OGDH: variants seen among roughly 807,000 people sequenced by gnomAD.
The protein encoded by OGDH is oxoglutarate dehydrogenase, also known as 2-oxoglutarate dehydrogenase complex component E1.
OGDH carries 38 observed loss-of-function variants against 116.6 expected under a neutral mutation model. That is an observed-to-expected ratio of 0.33 (90% CI 0.25 to 0.43). The LOEUF (loss-of-function observed/expected upper bound fraction) is 0.43. Among genes scored for constraint, OGDH ranks in the 20% least tolerant of loss-of-function variants. The pLI, the probability that OGDH is intolerant of heterozygous loss-of-function variation, is 1.00. For synonymous variants in OGDH, 488 were observed against 533.3 expected, an observed-to-expected ratio of 0.92 and a Z score of 1.17; for missense variants, 825 against 1,357.2, an observed-to-expected ratio of 0.61 and a Z score of 6.16.
chr7:44,698,392 G>T, intron 18 of OGDH, 129 bp downstream of exon 18: 1 of 926,128 alleles, frequency 1.1e-6, no homozygotes, highest in Non-Finnish European at 1.7e-6. Context: ...ATCCTGGGGA[G>T]CTCACGTGAG....
chr7:44,665,285 T>TAAAA (rs61608424), intron 4 of OGDH, among the ~76,000 whole-genome samples: 3 of 91,976 alleles, frequency 3.3e-5, no homozygotes, highest in African/African-American at 1.1e-4. Context: ...CCCTCCAGGT[T>TAAAA]AAAAAAAAAA....
chr7:44,642,295 G>C (rs760438921), intron 2 of OGDH, among the ~76,000 whole-genome samples: 2 of 152,090 alleles, frequency 1.3e-5, no homozygotes, highest in Non-Finnish European at 2.9e-5. Flanking sequence ...GTGGTGGTGC[G>C]TGCCTGTGGT....
chr7:44,650,750 A>T (rs976843399), intron 4 of OGDH, among the ~76,000 whole-genome samples: 1 of 152,186 alleles, frequency 6.6e-6, no homozygotes, highest in Admixed American at 6.5e-5. Flanking sequence ...TTTGGGGCCC[A>T]GGAGAACTGT....
intron 1 of OGDH, among the ~76,000 whole-genome samples, chr7:44,609,527 G>C (rs1162463385): frequency 6.8e-6 from 1 of 147,410 alleles, no homozygotes; most frequent in African/African-American, 2.5e-5. Context: ...AAAAAAAAAA[G>C]GTACTTCATT....
intron 1 of OGDH, among the ~76,000 whole-genome samples, chr7:44,619,228 T>C (rs764968878): frequency 1.3e-5 from 2 of 152,194 alleles, no homozygotes; most frequent in Non-Finnish European, 2.9e-5. Flanking sequence ...TGAAATTTAT[T>C]GAACCAAAGG....
At chr7:44,696,275 T>C (rs1280508963) in intron 13 of OGDH, 148 bp downstream of exon 13, 8 of 1,096,736 alleles carry the variant, frequency 7.3e-6, no homozygotes, top group Admixed American at 2.1e-5. Flanking sequence ...CTGCAGACCC[T>C]GGACCCAGAC....
chr7:44,705,948 A>G (rs1248565174), intron 20 of OGDH, among the ~76,000 whole-genome samples: 1 of 152,012 alleles, frequency 6.6e-6, no homozygotes, highest in Non-Finnish European at 1.5e-5. Flanking sequence ...CCACTTTTCT[A>G]TATTTTTTTG....
intron 2 of OGDH, among the ~76,000 whole-genome samples, chr7:44,644,542 T>A (rs1329766027): frequency 6.6e-6 from 1 of 152,196 alleles, no homozygotes; most frequent in Non-Finnish European, 1.5e-5. Context: ...AATGTATATA[T>A]TTCTCTCCTC....
intron 12 of OGDH, among the ~76,000 whole-genome samples, chr7:44,695,701 CAAA>C (rs551704915): frequency 3.6e-5 from 3 of 83,168 alleles, no homozygotes; most frequent in African/African-American, 9.8e-5. Flanking sequence ...GACTCCGTCT[CAAA>C]AAAAAAAAAA....
intron 2 of OGDH, among the ~76,000 whole-genome samples, chr7:44,638,505 C>T (rs116211789): frequency 4.2e-4 from 64 of 152,312 alleles, no homozygotes; most frequent in African/African-American, 1.5e-3. Context: ...TTCTCCTTTT[C>T]ACTTCTGCTT....
At chr7:44,616,834 TACAC>T (rs1562611138) in intron 1 of OGDH, among the ~76,000 whole-genome samples, 2 of 130,320 alleles carry the variant, frequency 1.5e-5, no homozygotes, top group East Asian at 2.3e-4. Context: ...TGTGTATATA[TACAC>T]ATATACGTGT....
At chr7:44,640,024 C>G (rs963581127) in intron 2 of OGDH, among the ~76,000 whole-genome samples, 10 of 152,116 alleles carry the variant, frequency 6.6e-5, no homozygotes, top group Non-Finnish European at 1.3e-4. Flanking sequence ...AGTGGAGGCC[C>G]GATGATCATG....
chr7:44,606,745 G>C (rs554378900), intron 1 of OGDH, 92 bp downstream of exon 1: 1 of 152,588 alleles, frequency 6.6e-6, no homozygotes, highest in African/African-American at 2.4e-5. Context: ...GGGGGAGGCC[G>C]CCGCGCCCTT....
chr7:44,665,559 C>G (rs577505321), intron 4 of OGDH, among the ~76,000 whole-genome samples: 94 of 152,314 alleles, frequency 6.2e-4, no homozygotes, highest in Non-Finnish European at 1.2e-3. Context: ...CCAAGGAGAT[C>G]AAAATACACA....
At chr7:44,698,377 T>C in intron 18 of OGDH, 114 bp downstream of exon 18, 1 of 1,112,168 alleles carries the variant, frequency 9.0e-7, no homozygotes, top group Non-Finnish European at 1.3e-6. Context: ...TCTGTCCCTT[T>C]CTCCATCCTG....
At chr7:44,641,124 A>G (rs972992863) in intron 2 of OGDH, among the ~76,000 whole-genome samples, 1 of 145,528 alleles carries the variant, frequency 6.9e-6, no homozygotes, top group African/African-American at 2.6e-5. Flanking sequence ...GATGGTCTCG[A>G]TCTCCTAACC....
At chr7:44,630,634 C>G (rs1785398589) in intron 2 of OGDH, among the ~76,000 whole-genome samples, 1 of 152,146 alleles carries the variant, frequency 6.6e-6, no homozygotes, top group Non-Finnish European at 1.5e-5. Flanking sequence ...AAGCTCATGT[C>G]CCTTGTATAA....
chr7:44,703,525 G>A (rs1204580052), intron 20 of OGDH, among the ~76,000 whole-genome samples: 1 of 152,028 alleles, frequency 6.6e-6, no homozygotes, highest in Non-Finnish European at 1.5e-5. Context: ...TTTGAGACCA[G>A]CTTGACCAAT....
chr7:44,638,126 T>C (rs1785756889), intron 2 of OGDH, among the ~76,000 whole-genome samples: 1 of 152,230 alleles, frequency 6.6e-6, no homozygotes, highest in Non-Finnish European at 1.5e-5. Context: ...ATTAACTGTG[T>C]GTAACTGTAT....
Sources: allele counts gnomAD v4.1 joint callset (sites outside exome capture counted in the v4.1 genomes callset), GRCh38; gene constraint gnomAD v4.1.1; transcripts MANE v1.5; gene names NCBI Gene and HGNC (gene_info 2026-07-23, HGNC 2026-07-21).